The following KLF12 variants were observed in gnomAD, a reference collection of about 807,000 sequenced individuals.
The protein encoded by KLF12 is Krueppel-like factor 12.
KLF12 carries 9 observed loss-of-function variants against 37.8 expected under a neutral mutation model. The ratio of observed to expected loss-of-function variants is 0.24; its 90% CI spans 0.14 to 0.42. KLF12 has a LOEUF of 0.42. KLF12 is among the 10% of genes least tolerant of loss of function. The pLI, the probability that KLF12 is intolerant of heterozygous loss-of-function variation, is 1.00. For missense variants in KLF12, 411 were observed against 516.0 expected (o/e 0.80, Z 1.97); for synonymous variants, 208 against 202.1 (o/e 1.03, Z -0.25).
At chr13:74,122,516 A>G (rs1027083710) in intron 1 of KLF12, among the ~76,000 whole-genome samples, 1 of 152,074 alleles carries the variant, frequency 6.6e-6, no homozygotes, top group Non-Finnish European at 1.5e-5. Flanking sequence ...GAAAATTGAT[A>G]CATCTTGAAT....
the KLF12 span, among the ~76,000 whole-genome samples, chr13:74,250,590 G>C: frequency 1.3e-5 from 2 of 152,156 alleles, no homozygotes; most frequent in East Asian, 3.9e-4. Flanking sequence ...TCTTGGTGAG[G>C]AAGCTTAACC....
chr13:73,871,181 AGAGTC>A (rs1463046732), intron 3 of KLF12, among the ~76,000 whole-genome samples: 3 of 152,144 alleles, frequency 2.0e-5, no homozygotes, highest in African/African-American at 7.2e-5. Flanking sequence ...TCAACGTTGC[AGAGTC>A]GAGTTACTAG....
chr13:74,280,981 G>A, the KLF12 span, among the ~76,000 whole-genome samples: 1 of 152,018 alleles, frequency 6.6e-6, no homozygotes, highest in Admixed American at 6.6e-5. Context: ...CTACTTTACA[G>A]TGGGGTGAAA....
chr13:74,193,581 G>A, the KLF12 span, among the ~76,000 whole-genome samples: 1 of 152,144 alleles, frequency 6.6e-6, no homozygotes, highest in Non-Finnish European at 1.5e-5. Context: ...AAGTCAACAA[G>A]GATCATTTCC....
chr13:73,914,129 C>A (rs1167110673), intron 3 of KLF12, among the ~76,000 whole-genome samples: 2 of 152,176 alleles, frequency 1.3e-5, no homozygotes, highest in African/African-American at 4.8e-5. Flanking sequence ...TACCCCAAAC[C>A]ACTTTGCTCT....
chr13:73,943,609 T>C (rs1303201224), intron 3 of KLF12, among the ~76,000 whole-genome samples: 1 of 152,220 alleles, frequency 6.6e-6, no homozygotes, highest in Non-Finnish European at 1.5e-5. Context: ...ACTTTGTCAT[T>C]TCCTGATTAG....
At chr13:74,116,796 C>T (rs1400712274) in intron 1 of KLF12, among the ~76,000 whole-genome samples, 1 of 151,988 alleles carries the variant, frequency 6.6e-6, no homozygotes, top group Non-Finnish European at 1.5e-5. Flanking sequence ...TAATATAGTA[C>T]TATCTAGCAG....
the KLF12 span, among the ~76,000 whole-genome samples, chr13:74,245,291 GTTTATCTA>G: frequency 1.4e-5 from 2 of 139,610 alleles, no homozygotes; most frequent in African/African-American, 5.4e-5. Context: ...TGGGAGATAA[GTTTATCTA>G]TCTATCTATC....
At chr13:73,825,170 T>C (rs764647571) in intron 4 of KLF12, among the ~76,000 whole-genome samples, 2 of 152,116 alleles carry the variant, frequency 1.3e-5, no homozygotes, top group Non-Finnish European at 2.9e-5. Flanking sequence ...GCCCCTGTTA[T>C]GATAAATTGG....
chr13:73,987,973 G>A (rs553022156), intron 2 of KLF12, among the ~76,000 whole-genome samples: 2 of 152,248 alleles, frequency 1.3e-5, no homozygotes, highest in South Asian at 4.1e-4. Context: ...GTAAATCTTT[G>A]ACTTGTGTTT....
At chr13:73,790,244 T>C (rs1881608434) in intron 5 of KLF12, among the ~76,000 whole-genome samples, 1 of 152,244 alleles carries the variant, frequency 6.6e-6, no homozygotes, top group Non-Finnish European at 1.5e-5. Flanking sequence ...CTGACTTTTA[T>C]AGCTAATCCT....
chr13:74,015,910 C>T (rs1278737875), intron 1 of KLF12, among the ~76,000 whole-genome samples: 1 of 152,054 alleles, frequency 6.6e-6, no homozygotes, highest in Non-Finnish European at 1.5e-5. Flanking sequence ...CTGCAAAATT[C>T]CTTAGCCAGA....
the KLF12 span, among the ~76,000 whole-genome samples, chr13:74,220,766 A>G: frequency 6.3e-4 from 96 of 152,294 alleles, 2 homozygotes; most frequent in African/African-American, 2.3e-3. Flanking sequence ...ATCATGAGGT[A>G]TTTGTGTTTC....
chr13:74,006,303 T>G (rs541311078), intron 1 of KLF12, among the ~76,000 whole-genome samples: 326 of 152,312 alleles, frequency 2.1e-3, no homozygotes, highest in Non-Finnish European at 4.0e-3. Flanking sequence ...AGATGTCTTT[T>G]GAAGATTCTC....
chr13:73,853,737 T>C, intron 3 of KLF12, among the ~76,000 whole-genome samples: 1 of 139,658 alleles, frequency 7.2e-6, no homozygotes, highest in South Asian at 2.3e-4. Context: ...AGACCCTGTC[T>C]AAAAAAAAAA....
chr13:73,755,130 A>G (rs1339180942), intron 6 of KLF12, among the ~76,000 whole-genome samples: 1 of 152,216 alleles, frequency 6.6e-6, no homozygotes, highest in East Asian at 1.9e-4. Context: ...GCGAAAAATA[A>G]TAGGTATACC....
At chr13:73,964,434 A>G (rs1259005734) in intron 2 of KLF12, among the ~76,000 whole-genome samples, 1 of 152,092 alleles carries the variant, frequency 6.6e-6, no homozygotes, top group Non-Finnish European at 1.5e-5. Context: ...TTGGACATTG[A>G]CAATAGCAAA....
intron 1 of KLF12, among the ~76,000 whole-genome samples, chr13:74,090,787 T>C (rs1219116080): frequency 6.6e-6 from 1 of 152,124 alleles, no homozygotes. Flanking sequence ...TCTCATTCTG[T>C]AGGTTCTCCT....
chr13:73,697,614 G>A (rs1874241962), intron 7 of KLF12, among the ~76,000 whole-genome samples: 1 of 152,136 alleles, frequency 6.6e-6, no homozygotes. Context: ...TATACTATGA[G>A]CATAGTTGAG....
Sources: gnomAD v4.1 joint callset for allele counts (sites outside exome capture counted in the v4.1 genomes callset) on GRCh38, gnomAD v4.1.1 for gene constraint, MANE v1.5 for transcripts, NCBI Gene and HGNC (gene_info 2026-07-23, HGNC 2026-07-21) for gene names.